Variants in PLEKHA7 observed in about 807,000 individuals in gnomAD.
PLEKHA7 encodes pleckstrin homology domain containing A7, also known as pleckstrin homology domain-containing family A member 7.
In PLEKHA7, 104 loss-of-function variants were observed where a neutral mutation model predicts 170.0. That is an observed-to-expected ratio of 0.61 (90% CI 0.52 to 0.72). PLEKHA7 has a LOEUF of 0.72. PLEKHA7 is among the 30% of genes least tolerant of loss of function. The pLI is 0.00. For missense variants in PLEKHA7, 1,615 were observed against 1,671.7 expected (o/e 0.97, Z 0.59); for synonymous variants, 648 against 660.8 (o/e 0.98, Z 0.30).
intron 23 of PLEKHA7, chr11:16,787,753 T>C (rs1849497090): frequency 6.6e-6 from 1 of 152,202 alleles, no homozygotes; most frequent in Admixed American, 6.5e-5. Flanking sequence ...CAAGTTACGA[T>C]TTTTAGATAA....
At chr11:16,848,560 G>A (rs556473294) in intron 8 of PLEKHA7, among the ~76,000 whole-genome samples, 3 of 152,320 alleles carry the variant, frequency 2.0e-5, no homozygotes, top group South Asian at 2.1e-4. Context: ...GTTTACTAAC[G>A]TACTGCATAA....
chr11:16,845,592 C>G (rs1000925118), intron 8 of PLEKHA7, among the ~76,000 whole-genome samples: 1 of 152,128 alleles, frequency 6.6e-6, no homozygotes, highest in African/African-American at 2.4e-5. Context: ...GTCTCGAACT[C>G]CTGGGCTCAA....
chr11:16,946,197 T>A (rs1250465914), intron 3 of PLEKHA7, among the ~76,000 whole-genome samples: 1 of 152,154 alleles, frequency 6.6e-6, no homozygotes, highest in East Asian at 1.9e-4. Flanking sequence ...GACCTAAAGG[T>A]GGGCAATGCT....
chr11:16,825,982 T>G, intron 10 of PLEKHA7, 138 bp downstream of exon 10: 1 of 912,778 alleles, frequency 1.1e-6, no homozygotes, highest in Non-Finnish European at 1.7e-6. Context: ...TCTTGCAGGG[T>G]TGTTACAGGG....
intron 23 of PLEKHA7, chr11:16,787,340 A>G: frequency 1.7e-6 from 1 of 579,484 alleles, no homozygotes; most frequent in Non-Finnish European, 2.2e-6. Flanking sequence ...TTGATGCCTC[A>G]AGTCCCTCCA....
At chr11:16,987,868 A>G (rs1395189111) in intron 3 of PLEKHA7, among the ~76,000 whole-genome samples, 3 of 152,144 alleles carry the variant, frequency 2.0e-5, no homozygotes, top group Non-Finnish European at 2.9e-5. Flanking sequence ...AACTCATTTG[A>G]TAACATATTT....
intron 3 of PLEKHA7, among the ~76,000 whole-genome samples, chr11:16,926,191 GACTGCGA>G (rs1213415119): frequency 8.5e-5 from 13 of 152,260 alleles, no homozygotes; most frequent in African/African-American, 3.1e-4. Context: ...GGTTGGATGT[GACTGCGA>G]CCTCATCGCC....
chr11:16,840,767 C>A (rs926272022), intron 9 of PLEKHA7, among the ~76,000 whole-genome samples: 1 of 152,128 alleles, frequency 6.6e-6, no homozygotes, highest in Admixed American at 6.6e-5. Flanking sequence ...TTAATGAGGT[C>A]TGTACACTGC....
rs2134161754 is a variant in PLEKHA7, at chr11:16,786,394, A to G, written c.3358-7T>C. The G allele has an allele frequency of 6.5e-7, 1 of 1,536,124 alleles. No individual in the cohort carries two copies. The highest frequency in any genetic ancestry group is 1.4e-5 in the African/African-American group (1 of 73,174). On this transcript the variant is annotated splice_region_variant and splice_polypyrimidine_tract_variant and intron_variant, in intron 23 of 26. Coordinates refer to ENST00000531066, the MANE Select transcript of PLEKHA7 (RefSeq NM_001329630.2). ...AGTCCTGCTCACGCTTCCACTGGCA[A>G]CAGAACAAGAGGTTAAACGTAGTCG...
chr11:16,880,982 AAC>A (rs1855665213), intron 3 of PLEKHA7, among the ~76,000 whole-genome samples: 1 of 134,638 alleles, frequency 7.4e-6, no homozygotes, highest in South Asian at 2.5e-4. Flanking sequence ...CACAACTGCA[AAC>A]ACAGAGACAG....
At chr11:16,802,433 C>T (rs1213422459) in intron 15 of PLEKHA7, among the ~76,000 whole-genome samples, 1 of 152,312 alleles carries the variant, frequency 6.6e-6, no homozygotes, top group South Asian at 2.1e-4. Context: ...AGTGGAGCTC[C>T]TCTCCCAGGC....
At chr11:16,911,993 A>C (rs1858282535) in intron 3 of PLEKHA7, among the ~76,000 whole-genome samples, 1 of 152,170 alleles carries the variant, frequency 6.6e-6, no homozygotes, top group South Asian at 2.1e-4. Flanking sequence ...CTTCCCATCA[A>C]GCCAATCCCT....
chr11:16,967,317 T>C (rs1041086657), intron 3 of PLEKHA7, among the ~76,000 whole-genome samples: 2 of 152,198 alleles, frequency 1.3e-5, no homozygotes, highest in Non-Finnish European at 2.9e-5. Flanking sequence ...AACCATTCCA[T>C]TAGGGCAGAC....
intron 3 of PLEKHA7, among the ~76,000 whole-genome samples, chr11:16,897,602 T>C (rs1857076672): frequency 6.6e-6 from 1 of 152,104 alleles, no homozygotes; most frequent in East Asian, 1.9e-4. Context: ...AGAAGGTGTA[T>C]TAGGCAGTGA....
chr11:16,789,863 G>A lies in PLEKHA7; in HGVS notation c.3068C>T (p.Thr1023Met), dbSNP rs200377874. The change falls in exon 22 of 27, where the codon ACG (threonine) becomes ATG (methionine). Residue 1023 changes from threonine to methionine, a missense_variant. Coordinates refer to ENST00000531066, the MANE Select transcript of PLEKHA7 (RefSeq NM_001329630.2). This position sits in a 1 kb window ranked among gnomAD's most constrained non-coding sequence, Gnocchi z 4.6. ...TLPGRGLSGS[T>M]SRLQQSSTIA... is the part of the protein sequence containing the mutation. The stretch of plus-strand genomic sequence containing the variant: ...GGTGGACGACTGCTGGAGCCTTGAC[G>A]TGGACCCTGAGAGCCCTTAGTGAGG... The A allele has an allele frequency of 6.8e-5, 110 of 1,614,122 alleles. 1 individual carries two copies. The Admixed American group carries it at 1.1e-3, about 16-fold the overall frequency.
chr11:16,870,244 G>A (rs890114773), intron 4 of PLEKHA7, among the ~76,000 whole-genome samples: 4 of 152,086 alleles, frequency 2.6e-5, no homozygotes, highest in Non-Finnish European at 4.4e-5. Flanking sequence ...TCCTATTTGA[G>A]GCTTCCCTGG....
intron 3 of PLEKHA7, among the ~76,000 whole-genome samples, chr11:16,985,700 T>C (rs1590788646): frequency 6.6e-6 from 1 of 152,246 alleles, no homozygotes; most frequent in Non-Finnish European, 1.5e-5. Flanking sequence ...TGGGGACAGA[T>C]ATGTGAATCA....
At chr11:16,994,850 T>C (rs993431537) in intron 3 of PLEKHA7, among the ~76,000 whole-genome samples, 1 of 152,146 alleles carries the variant, frequency 6.6e-6, no homozygotes, top group African/African-American at 2.4e-5. Flanking sequence ...TCAAAGCATT[T>C]GCACAGTATC....
intron 8 of PLEKHA7, among the ~76,000 whole-genome samples, chr11:16,844,260 G>A (rs1222476699): frequency 6.6e-6 from 1 of 152,134 alleles, no homozygotes; most frequent in Non-Finnish European, 1.5e-5. Context: ...GTCTATTTGC[G>A]AATGAGTCTT....
Sources: allele counts gnomAD v4.1 joint callset (sites outside exome capture counted in the v4.1 genomes callset), GRCh38; gene constraint gnomAD v4.1.1; non-coding constraint Gnocchi (gnomAD v3.1); transcripts MANE v1.5; gene names NCBI Gene and HGNC (gene_info 2026-07-23, HGNC 2026-07-21).